MRAS: variants seen among roughly 807,000 people sequenced by gnomAD.
The protein encoded by MRAS is muscle RAS oncogene homolog, also known as ras-related protein M-Ras.
In MRAS, 4 loss-of-function variants were observed where a neutral mutation model predicts 20.9. The observed-to-expected ratio is 0.19, with a 90% CI of 0.09 to 0.44. The LOEUF (loss-of-function observed/expected upper bound fraction) is 0.44, where lower values mean the gene tolerates loss of function less well. MRAS is among the 20% of genes least tolerant of loss of function. MRAS has a pLI of 0.99. For missense variants in MRAS, 154 were observed against 277.5 expected, an observed-to-expected ratio of 0.56 and a Z score of 3.16; for synonymous variants, 98 against 102.9, an observed-to-expected ratio of 0.95 and a Z score of 0.29.
At position 138,398,555 on chromosome 3, in the gene MRAS, C is replaced by T. The variant is rs541672208; in HGVS notation, c.434C>T (p.Ala145Val). ...ACCAGGGAGCAAGGAAAAGAAATGG[C>T]GACCAAACACAATGTAGGTGTGTGC... ...KITREQGKEM[A>V]TKHNIPYIET... The change falls in exon 4 of 6, where the codon GCG becomes GTG. Residue 145 changes from alanine to valine, a missense_variant. Ala to Val is a moderately conservative substitution (Grantham distance 64, BLOSUM62 0). Around this residue, in one of 3 missense-constraint regions of MRAS, gnomAD observed 125 missense variants for 213.5 expected, o/e 0.59. Coordinates refer to ENST00000423968, the MANE Select transcript of MRAS (RefSeq NM_001085049.3). 11 of 1,614,008 alleles carry T rather than the reference C, an allele frequency of 6.8e-6. No homozygotes were observed. The highest frequency in any genetic ancestry group is 2.2e-5 in the East Asian group (1 of 44,878).
chr3:138,370,046 A>G (rs1018011292), intron 1 of MRAS, among the ~76,000 whole-genome samples: 14 of 152,192 alleles, frequency 9.2e-5, no homozygotes, highest in African/African-American at 2.4e-4. Context: ...CCGACCGGGA[A>G]CGGTGGCTCA....
intron 1 of MRAS, chr3:138,350,497 A>G (rs1004417009): frequency 6.6e-6 from 1 of 151,456 alleles, no homozygotes; most frequent in African/African-American, 2.4e-5. Context: ...GTGGAAACTG[A>G]CCCCCTAGAT....
chr3:138,365,781 A>C (rs1016328911), intron 1 of MRAS, among the ~76,000 whole-genome samples: 2 of 152,210 alleles, frequency 1.3e-5, no homozygotes, highest in Non-Finnish European at 2.9e-5. Flanking sequence ...TTCTGCTGCC[A>C]AGAGTACTGT....
chr3:138,373,182 T>C, intron 2 of MRAS, 106 bp downstream of exon 2: 5 of 1,054,576 alleles, frequency 4.7e-6, no homozygotes, highest in South Asian at 2.5e-5. Flanking sequence ...AATGTTGCTG[T>C]TATGGGATGG....
chr3:138,368,269 AGTGT>A (rs761639487), intron 1 of MRAS, among the ~76,000 whole-genome samples: 44 of 151,374 alleles, frequency 2.9e-4, no homozygotes, highest in Non-Finnish European at 3.8e-4. Flanking sequence ...AATGAGAGAG[AGTGT>A]GTGTGTGTGT....
intron 2 of MRAS, among the ~76,000 whole-genome samples, chr3:138,384,574 T>C (rs776587590): frequency 2.0e-5 from 3 of 152,118 alleles, no homozygotes; most frequent in Admixed American, 6.5e-5. Flanking sequence ...GAGTCTAATT[T>C]TGGACGTGTT....
chr3:138,374,969 A>T (rs1171326342), intron 2 of MRAS, among the ~76,000 whole-genome samples: 1 of 151,976 alleles, frequency 6.6e-6, no homozygotes, highest in East Asian at 1.9e-4. Context: ...GCAACCACAA[A>T]ATACTGGGCT....
Position 138,383,003 on chromosome 3 carries a change from G to A in MRAS, c.193+9927G>A, listed in dbSNP as rs191800065. 8.1e-4 allele frequency among the ~76,000 whole-genome samples: 123 copies of A among 152,280 alleles called. No homozygotes were observed. The Middle Eastern group carries it at 0.014, about 17-fold the overall frequency. ...CCTGTGCTCCCCACACCCTGGCTCC[G>A]GTGACTGGGGCTCCTCCTCCCTTTG... On this transcript the variant is annotated intron_variant, in intron 2 of 5. Transcript: ENST00000423968.
chr3:138,377,335 G>A (rs974162588), intron 2 of MRAS, among the ~76,000 whole-genome samples: 4 of 152,286 alleles, frequency 2.6e-5, no homozygotes, highest in Admixed American at 2.0e-4. Flanking sequence ...GGCCGGGTGC[G>A]GTGGCTCACG....
intron 3 of MRAS, 144 bp downstream of exon 3, chr3:138,397,621 A>G: frequency 1.0e-6 from 1 of 967,014 alleles, no homozygotes; most frequent in Non-Finnish European, 1.5e-6. Context: ...GGAGTAATTA[A>G]ATCATTTGAA....
At chr3:138,348,918 G>C (rs531909394) in intron 1 of MRAS, 151 bp downstream of exon 1, 1 of 152,254 alleles carries the variant, frequency 6.6e-6, no homozygotes, top group Non-Finnish European at 1.5e-5. Context: ...CCGGCTGTGC[G>C]TGGCGTTTTG....
intron 1 of MRAS, among the ~76,000 whole-genome samples, chr3:138,364,712 G>A (rs1039554942): frequency 6.6e-6 from 1 of 152,252 alleles, no homozygotes; most frequent in Admixed American, 6.5e-5. Context: ...CCTCAGGGCG[G>A]AGGGCTACCT....
chr3:138,397,647 AT>A (rs1458943400), intron 3 of MRAS, among the ~76,000 whole-genome samples, 170 bp downstream of exon 3: 1 of 152,156 alleles, frequency 6.6e-6, no homozygotes, highest in Admixed American at 6.5e-5. Flanking sequence ...GTTTATACTC[AT>A]TTGGCCTTGT....
chr3:138,362,424 C>T (rs764469516), intron 1 of MRAS, among the ~76,000 whole-genome samples: 3 of 152,164 alleles, frequency 2.0e-5, no homozygotes, highest in Non-Finnish European at 4.4e-5. Context: ...TGTGGCTGAA[C>T]CTGGGTTACC....
At position 138,377,177 on chromosome 3, in the gene MRAS, T is replaced by A. The variant is rs139057792; in HGVS notation, c.193+4101T>A. On this transcript the variant is annotated intron_variant, in intron 2 of 5. Coordinates refer to ENST00000423968, the MANE Select transcript of MRAS (RefSeq NM_001085049.3). ...TCTCCATGGCATTACTTTAGAAGAATGAGTTTGTTAAGCTTCTAATTCTGC... is the reference window on the plus strand; with the variant it reads ...TCTCCATGGCATTACTTTAGAAGAAAGAGTTTGTTAAGCTTCTAATTCTGC... 6.3e-3 allele frequency among the ~76,000 whole-genome samples: 966 copies of A among 152,360 alleles called. 7 individuals carry two copies. Among genetic ancestry groups the A allele is most frequent in the African/African-American group, 0.022 (929 of 41,584 alleles).
Position 138,376,615 on chromosome 3 carries a change from G to A in MRAS, c.193+3539G>A, listed in dbSNP as rs915203951. On this transcript the variant is annotated intron_variant, in intron 2 of 5. Coordinates refer to ENST00000423968, the MANE Select transcript of MRAS (RefSeq NM_001085049.3). The stretch of plus-strand genomic sequence containing the variant: ...TTTCTAACTCACATTACAATAATAA[G>A]TATATATAACTATTAAAATTAAAAC... 2.6e-5 allele frequency among the ~76,000 whole-genome samples: 4 copies of A among 152,288 alleles called. 1 individual carries two copies. The highest frequency in any genetic ancestry group is 9.6e-5 in the African/African-American group (4 of 41,548).
At chr3:138,383,788 A>T (rs1366176402) in intron 2 of MRAS, among the ~76,000 whole-genome samples, 27 of 152,188 alleles carry the variant, frequency 1.8e-4, no homozygotes, top group Admixed American at 1.8e-3. Flanking sequence ...CATGAAGCTT[A>T]TATTTTAGTG....
chr3:138,352,763 G>A (rs1460118650), intron 1 of MRAS, among the ~76,000 whole-genome samples: 2 of 151,968 alleles, frequency 1.3e-5, no homozygotes, highest in African/African-American at 4.8e-5. Flanking sequence ...TAATGAATTC[G>A]GCTGTGCAGC....
chr3:138,349,780 A>C (rs934692068), intron 1 of MRAS: 1 of 152,164 alleles, frequency 6.6e-6, no homozygotes, highest in Admixed American at 6.5e-5. Flanking sequence ...TAAGATGGAG[A>C]TATGACTTTA....
Sources: gnomAD v4.1 joint callset for allele counts (sites outside exome capture counted in the v4.1 genomes callset) on GRCh38, gnomAD v4.1.1 for gene constraint, gnomAD v4.1.1 regional missense constraint, MANE v1.5 for transcripts, NCBI Gene and HGNC (gene_info 2026-07-23, HGNC 2026-07-21) for gene names.